Variants in ZNF816 observed in about 807,000 individuals in gnomAD.
ZNF816 encodes zinc finger protein 816, also known as zinc finger protein 816A.
Under a neutral mutation model 8.3 loss-of-function variants are expected in ZNF816, and 11 were observed. That is an observed-to-expected ratio of 1.32 (90% CI 0.83 to 2.19). The LOEUF is 2.19. Ranked by LOEUF, ZNF816 falls within the 30% of genes most tolerant of loss-of-function variation. The pLI is 0.00. For synonymous variants in ZNF816, 255 were observed against 254.5 expected, an observed-to-expected ratio of 1.00 and a Z score of -0.02; for missense variants, 710 against 779.3, an observed-to-expected ratio of 0.91 and a Z score of 1.06.
rs1284106474 is a variant in ZNF816, at chr19:52,957,589, G to C, written c.-15-1485C>G. ...GCCCATGGTCAAGATGACAGTTAGG[G>C]GCAAAGACATTGATTTTCGTATTGA... On this transcript the variant is annotated intron_variant, in intron 1 of 3. Transcript: ENST00000444460. The surrounding 1 kb of genome is among the most constrained non-coding windows in gnomAD (Gnocchi z 4.6). 1.3e-5 allele frequency among the ~76,000 whole-genome samples: 2 copies of C among 152,130 alleles called. No homozygotes were observed. Among genetic ancestry groups the C allele is most frequent in the South Asian group, 4.1e-4 (2 of 4,828 alleles).
chr19:52,950,908 C>A lies in ZNF816; in HGVS notation c.867G>T (p.Glu289Asp), dbSNP rs757463129. 1 of 1,614,172 alleles carries A rather than the reference C, an allele frequency of 6.2e-7. No individual in the cohort carries two copies. Among genetic ancestry groups the A allele is most frequent in the Non-Finnish European group, 8.5e-7 (1 of 1,180,018 alleles). The change falls in exon 4 of 4, where the codon GAG becomes GAT. Residue 289 changes from glutamate (E) to aspartate (D), a missense_variant. Physicochemically the swap from Glu to Asp is conservative, Grantham distance 45 (BLOSUM62 2). Transcript: ENST00000444460. ...ACATCTGAGTGAAGGTCTTCCCACA[C>A]TCATTACACTTGTAAGTTTTCTCAC... ...HTGEKTYKCN[E>D]CGKTFTQMSS...
intron 1 of ZNF816, among the ~76,000 whole-genome samples, chr19:52,959,385 T>C (rs529733743): frequency 4.9e-4 from 75 of 152,314 alleles, no homozygotes; most frequent in African/African-American, 1.7e-3. Context: ...GTAGAGGTGT[T>C]GGACTCAGTT....
At chr19:52,961,228 T>A (rs1600728950) in intron 1 of ZNF816, among the ~76,000 whole-genome samples, 1 of 152,126 alleles carries the variant, frequency 6.6e-6, no homozygotes, top group Non-Finnish European at 1.5e-5. Context: ...CAAATAAGAT[T>A]AAGAACTGGT....
At position 52,958,194 on chromosome 19, in the gene ZNF816, C is replaced by T. The variant is rs188656697; in HGVS notation, c.-15-2090G>A. Among the ~76,000 whole-genome samples, 6 of 152,312 alleles carry T rather than the reference C, an allele frequency of 3.9e-5. No individual in the cohort carries two copies. The East Asian group carries it at 7.7e-4, about 20-fold the overall frequency. ...AACACTCCCCTCCTGCCTGTTCCCA[C>T]GCCAGGGACCAATGACTACAGGCCG... is the stretch of plus-strand genomic sequence containing the variant. On this transcript the variant is annotated intron_variant, in intron 1 of 3. Transcript: ENST00000444460.
At position 52,956,098 on chromosome 19, in the gene ZNF816, G is replaced by C. The variant is rs571673542; in HGVS notation, c.-9C>G. ...GCTTCCTCACGTAACATGAGTCTTT[G>C]GAAATCCTGTATGTTAAAAAAGCAA... On this transcript the variant is annotated 5_prime_UTR_variant, in exon 2 of 4. Transcript: ENST00000444460. 12 of 1,603,206 alleles carry C rather than the reference G, an allele frequency of 7.5e-6. No individual in the cohort carries two copies. In the African/African-American group the frequency reaches 1.5e-4, roughly 20 times the overall value.
intron 1 of ZNF816, among the ~76,000 whole-genome samples, chr19:52,960,502 T>C (rs1448269038): frequency 6.6e-6 from 1 of 152,222 alleles, no homozygotes; most frequent in Non-Finnish European, 1.5e-5. Context: ...GGAAACTGCA[T>C]GCTGCCTTCT....
chr19:52,955,157 T>C (rs1046257972), intron 2 of ZNF816, among the ~76,000 whole-genome samples: 4 of 152,010 alleles, frequency 2.6e-5, no homozygotes, highest in African/African-American at 9.7e-5. Flanking sequence ...ACCTAAAATG[T>C]TTGCTTCATC....
intron 2 of ZNF816, among the ~76,000 whole-genome samples, chr19:52,954,009 C>G (rs2083488209): frequency 6.9e-6 from 1 of 145,788 alleles, no homozygotes; most frequent in Non-Finnish European, 1.5e-5. Context: ...CCATTGCAAT[C>G]CTGCCTGAGC....
At chr19:52,956,780 T>C (rs1020654820) in intron 1 of ZNF816, among the ~76,000 whole-genome samples, 3 of 152,166 alleles carry the variant, frequency 2.0e-5, no homozygotes, top group African/African-American at 7.2e-5. Context: ...TTGCCTAGTT[T>C]ATAAGACAGG....
Position 52,956,070 on chromosome 19 carries a change from G to C in ZNF816, c.20C>G (p.Thr7Ser). The C allele has an allele frequency of 6.2e-7, 1 of 1,611,438 alleles. No homozygotes were observed. Among genetic ancestry groups the C allele is most frequent in the Non-Finnish European group, 8.5e-7 (1 of 1,179,332 alleles). The change falls in exon 2 of 4, where the codon ACC (threonine) becomes AGC (serine). Residue 7 changes from threonine (T) to serine (S), a missense_variant. Coordinates refer to ENST00000444460, the MANE Select transcript of ZNF816 (RefSeq NM_001202457.3). ...TGGCTCCTTTTCTTTGCTCTTCTTG[G>C]TGGCTTCCTCACGTAACATGAGTCT... is the stretch of plus-strand genomic sequence containing the variant. MLREEA[T>S]KKSKEKEPGM...
Position 52,949,911 on chromosome 19 carries a change from T to C in ZNF816, c.1864A>G (p.Lys622Glu). Residue 622 changes from lysine to glutamate, a missense_variant, in exon 4 of 4, where the codon AAG becomes GAG. Lys to Glu is a moderately conservative substitution (Grantham distance 56). Transcript: ENST00000444460. ...QRVHTAEKPY[K>E]CNECGKAFTG... ...AAGGCTTTGCCACACTCATTACACTTGTAAGGTTTCTCTGCAGTATGAACT... is the reference window on the plus strand; with the variant it reads ...AAGGCTTTGCCACACTCATTACACTCGTAAGGTTTCTCTGCAGTATGAACT... 1 of 1,613,928 alleles carries C rather than the reference T, an allele frequency of 6.2e-7. No homozygotes were observed. The highest frequency in any genetic ancestry group is 8.5e-7 in the Non-Finnish European group (1 of 1,179,848).
rs1270179730 is a variant in ZNF816 at position 52,950,604 on chromosome 19, G to T, written c.1171C>A (p.His391Asn). Residue 391 changes from histidine to asparagine, a missense_variant, in exon 4 of 4, where the codon CAC (histidine) becomes AAC (asparagine). Physicochemically the swap from His to Asn is moderately conservative, Grantham distance 68 (BLOSUM62 1). Transcript: ENST00000444460. ...KSSLQCHHIL[H>N]TGEKPYKCEE... ...CATTTGTAAGGTTTCTCTCCAGTGT[G>T]AAGTATATGATGGCATTGAAGGGAT... 9.3e-6 allele frequency: 15 copies of T among 1,614,158 alleles called. No individual in the cohort carries two copies. Among genetic ancestry groups the T allele is most frequent in the Non-Finnish European group, 1.2e-5 (14 of 1,180,028 alleles).
chr19:52,949,809 G>A lies in ZNF816; in HGVS notation c.*10C>T. The A allele has an allele frequency of 6.2e-7, 1 of 1,613,312 alleles. No individual in the cohort carries two copies. Among genetic ancestry groups the A allele is most frequent in the African/African-American group, 1.3e-5 (1 of 74,942 alleles). The stretch of plus-strand genomic sequence containing the variant: ...TGGTTGTAGCATTACTGAAGACTTT[G>A]TGACAATCATTACATTTGTAAAGTT... On this transcript the variant is annotated 3_prime_UTR_variant, in exon 4 of 4. Transcript: ENST00000444460.
Sources: allele counts gnomAD v4.1 joint callset (sites outside exome capture counted in the v4.1 genomes callset), GRCh38; gene constraint gnomAD v4.1.1; non-coding constraint Gnocchi (gnomAD v3.1); transcripts MANE v1.5; gene names NCBI Gene and HGNC (gene_info 2026-07-23, HGNC 2026-07-21).